Variants in DNAH5 observed in about 807,000 individuals in gnomAD.
DNAH5 encodes axonemal beta dynein heavy chain 5.
Under a neutral mutation model 518.2 loss-of-function variants are expected in DNAH5, and 372 were observed. The ratio of observed to expected loss-of-function variants is 0.72; its 90% CI spans 0.66 to 0.78. The LOEUF is 0.78. Among genes scored for constraint, DNAH5 ranks in the 30% least tolerant of loss-of-function variants. The probability of loss-of-function intolerance (pLI) is 0.00; values close to 1 mark genes in which losing one functional copy is unlikely to be tolerated. For synonymous variants in DNAH5, 2,039 were observed against 2,025.9 expected (o/e 1.01, Z -0.17); for missense variants, 5,523 against 5,687.0 (o/e 0.97, Z 0.93).
chr5:13,793,452 CA>C (rs1561274246), intron 49 of DNAH5, 62 bp downstream of exon 49: 1 of 1,458,212 alleles, frequency 6.9e-7, no homozygotes, highest in Non-Finnish European at 9.6e-7. Flanking sequence ...TGAAGATTTT[CA>C]AAAAGGAACC....
At chr5:13,827,739 C>T (rs1033942238) in intron 38 of DNAH5, among the ~76,000 whole-genome samples, 22 of 151,958 alleles carry the variant, frequency 1.4e-4, no homozygotes, top group African/African-American at 5.3e-4. Context: ...CAAATCTCAT[C>T]CCGAAGTGTA....
chr5:13,986,867 A>G (rs1390733773), intron 1 of DNAH5, among the ~76,000 whole-genome samples: 2 of 152,248 alleles, frequency 1.3e-5, no homozygotes, highest in African/African-American at 4.8e-5. Context: ...GATTCCTGCA[A>G]GCAGAATCTG....
In DNAH5 at chr5:13,867,802, C is replaced by T; in HGVS notation, c.4025G>A (p.Cys1342Tyr). 1.2e-6 allele frequency: 2 copies of T among 1,613,936 alleles called. No homozygotes were observed. Among genetic ancestry groups the T allele is most frequent in the Non-Finnish European group, 1.7e-6 (2 of 1,179,910 alleles). Residue 1342 changes from cysteine to tyrosine, a missense_variant, in exon 25 of 79, where the codon TGT (cysteine) becomes TAT (tyrosine). This residue lies in a region of DNAH5 where 5,121 missense variants were observed against 5,223.3 expected (regional missense o/e 0.98). Coordinates refer to ENST00000265104, the MANE Select transcript of DNAH5 (RefSeq NM_001369.3). Reference protein sequence around the residue: ...ISAVEVFLQDCHQFYLDYDLN... With the variant: ...ISAVEVFLQDYHQFYLDYDLN... ...ATCATAGTCCAGATAAAACTGGTGA[C>T]AATCTTGGAGGAATACCTCCACAGC... is the stretch of plus-strand genomic sequence containing the variant.
At chr5:13,723,088 A>G (rs1745273370) in intron 70 of DNAH5, among the ~76,000 whole-genome samples, 1 of 152,212 alleles carries the variant, frequency 6.6e-6, no homozygotes, top group East Asian at 1.9e-4. Flanking sequence ...ATTTCAGTCC[A>G]GTTGAATTTG....
intron 15 of DNAH5, chr5:13,898,847 T>A (rs909204252): frequency 1.1e-4 from 40 of 378,908 alleles, no homozygotes; most frequent in African/African-American, 7.0e-4. Flanking sequence ...ACCTTCTTCA[T>A]CCCCTGGGTA....
At chr5:14,008,234 T>A (rs1784866405) in intron 1 of DNAH5, among the ~76,000 whole-genome samples, 1 of 129,314 alleles carries the variant, frequency 7.7e-6, no homozygotes, top group African/African-American at 3.0e-5. Flanking sequence ...GCAGTATGTA[T>A]TTTAGAAGGA....
chr5:14,004,657 CACTT>C (rs1264301232), intron 1 of DNAH5, among the ~76,000 whole-genome samples: 1 of 152,220 alleles, frequency 6.6e-6, no homozygotes, highest in Admixed American at 6.5e-5. Context: ...GAAACCACCA[CACTT>C]ACTCTGTGAG....
intron 78 of DNAH5, among the ~76,000 whole-genome samples, chr5:13,696,553 C>A (rs997470978): frequency 2.0e-5 from 3 of 152,024 alleles, no homozygotes; most frequent in African/African-American, 7.2e-5. Context: ...TTATTTAAAT[C>A]AAAAAATTTC....
chr5:13,801,470 CAT>C (rs1468230344), intron 47 of DNAH5, among the ~76,000 whole-genome samples: 1 of 152,212 alleles, frequency 6.6e-6, no homozygotes, highest in African/African-American at 2.4e-5. Context: ...AACAGACTAA[CAT>C]AAACCCCTAC....
chr5:13,979,621 C>T (rs78485483), intron 1 of DNAH5, among the ~76,000 whole-genome samples: 15,669 of 152,216 alleles, frequency 0.1, 930 homozygotes, highest in East Asian at 0.16. Flanking sequence ...ATTGCATTCT[C>T]CATTCTCTCT....
chr5:13,800,599 T>C (rs1173267834), intron 47 of DNAH5, among the ~76,000 whole-genome samples: 2 of 152,186 alleles, frequency 1.3e-5, no homozygotes, highest in African/African-American at 4.8e-5. Flanking sequence ...CAGGGATTAA[T>C]GTCATGACCC....
intron 73 of DNAH5, among the ~76,000 whole-genome samples, 199 bp downstream of exon 73, chr5:13,717,116 A>T (rs1744401096): frequency 6.6e-6 from 1 of 152,200 alleles, no homozygotes; most frequent in Admixed American, 6.5e-5. Context: ...ACTTTTGAGA[A>T]ATAAAATAAT....
intron 15 of DNAH5, among the ~76,000 whole-genome samples, chr5:13,895,517 G>T (rs939120078): frequency 6.6e-6 from 1 of 152,208 alleles, no homozygotes; most frequent in South Asian, 2.1e-4. Flanking sequence ...CTCCTCTGGG[G>T]ACCTCTTGTA....
Position 13,753,510 on chromosome 5 carries a change from C to T in DNAH5, c.10595G>A (p.Gly3532Asp). 1 of 1,613,794 alleles carries T rather than the reference C, an allele frequency of 6.2e-7. No homozygotes were observed. The highest frequency in any genetic ancestry group is 1.1e-5 in the South Asian group (1 of 91,066). ...LLATAFLSYSGPFNQEFRDLL... is the reference protein window; with the variant it reads ...LLATAFLSYSDPFNQEFRDLL... The stretch of plus-strand genomic sequence containing the variant: ...ATCACGAAACTCTTGGTTAAATGGA[C>T]CAGAATAAGATAGAAAAGCTGTAGC... The change falls in exon 63 of 79, where the codon GGT (glycine) becomes GAT (aspartate). Residue 3532 changes from glycine (G) to aspartate (D), a missense_variant. Gly to Asp is a moderately conservative substitution (Grantham distance 94). Around this residue, in one of 3 missense-constraint regions of DNAH5, gnomAD observed 5,121 missense variants for 5,223.3 expected, o/e 0.98. Coordinates refer to ENST00000265104, the MANE Select transcript of DNAH5 (RefSeq NM_001369.3).
chr5:13,882,578 A>G (rs962899718), intron 21 of DNAH5, 150 bp downstream of exon 21: 3 of 679,066 alleles, frequency 4.4e-6, no homozygotes, highest in Non-Finnish European at 7.7e-6. Flanking sequence ...AAATACGTGG[A>G]CCTTGATATT....
intron 1 of DNAH5, among the ~76,000 whole-genome samples, chr5:14,008,374 G>A (rs981332395): frequency 6.6e-6 from 1 of 151,948 alleles, no homozygotes; most frequent in African/African-American, 2.4e-5. Context: ...GGTAATTCCA[G>A]CACTTTGGGA....
chr5:13,762,838 G>A lies in DNAH5; in HGVS notation c.10165C>T (p.Pro3389Ser). Residue 3389 changes from proline (P) to serine (S), a missense_variant, in exon 60 of 79, where the codon CCT becomes TCT. Physicochemically the swap from Pro to Ser is moderately conservative, Grantham distance 74 (BLOSUM62 -1). Transcript: ENST00000265104. ...TTAGCAGTTTCGATGTTATAGTCAG[G>A]CATTTCAAAGTAAGGACTCAAAAAT... ...IEFLSPYFEM[P>S]DYNIETAKRV... The A allele has an allele frequency of 6.2e-7, 1 of 1,613,930 alleles. No individual in the cohort carries two copies.
In DNAH5 at chr5:13,882,791, C is replaced by G. The variant is rs1301741380; in HGVS notation, c.3199G>C (p.Ala1067Pro). Residue 1067 changes from alanine (A) to proline (P), a missense_variant, in exon 21 of 79, where the codon GCT becomes CCT. Ala to Pro is a conservative substitution (Grantham distance 27). Coordinates refer to ENST00000265104, the MANE Select transcript of DNAH5 (RefSeq NM_001369.3). ...CTGTCTTCATTACTCTGCAAAGCAG[C>G]CATTTTTCTTTCTTGTATCTTTTTC... Reference protein sequence around the residue: ...SKKKIQERKMAALQSNEDSDS... With the variant: ...SKKKIQERKMPALQSNEDSDS... 1 of 1,613,948 alleles carries G rather than the reference C, an allele frequency of 6.2e-7. No homozygotes were observed. The highest frequency in any genetic ancestry group is 8.5e-7 in the Non-Finnish European group (1 of 1,179,928).
chr5:13,985,452 TA>T (rs1782986196), intron 1 of DNAH5, among the ~76,000 whole-genome samples: 1 of 143,918 alleles, frequency 6.9e-6, no homozygotes, highest in East Asian at 2.0e-4. Flanking sequence ...TATATATATA[TA>T]TATATATATA....
Sources: allele counts gnomAD v4.1 joint callset (sites outside exome capture counted in the v4.1 genomes callset), GRCh38; gene constraint gnomAD v4.1.1; regional missense constraint gnomAD v4.1.1; transcripts MANE v1.5; gene names NCBI Gene and HGNC (gene_info 2026-07-23, HGNC 2026-07-21).